The following RNGTT variants were observed in gnomAD, a reference collection of about 807,000 sequenced individuals.
The protein encoded by RNGTT is RNA guanylyltransferase and 5'-phosphatase, also known as mRNA-capping enzyme.
Under a neutral mutation model 79.3 loss-of-function variants are expected in RNGTT, and 33 were observed. That is an observed-to-expected ratio of 0.42 (90% confidence interval 0.32 to 0.56). The LOEUF is 0.56. Ranked by LOEUF, RNGTT falls within the 20% of genes least tolerant of loss-of-function variation. The pLI, the probability that RNGTT is intolerant of heterozygous loss-of-function variation, is 0.17. For synonymous variants in RNGTT, 222 were observed against 235.9 expected, an observed-to-expected ratio of 0.94 and a Z score of 0.54; for missense variants, 497 against 739.1, an observed-to-expected ratio of 0.67 and a Z score of 3.80.
chr6:88,923,739 C>T (rs971086024), intron 4 of RNGTT, among the ~76,000 whole-genome samples: 1 of 152,140 alleles, frequency 6.6e-6, no homozygotes, highest in African/African-American at 2.4e-5. Flanking sequence ...CCTCATAAAA[C>T]ATAGCATTAT....
Position 88,963,567 on chromosome 6 carries a change from G to C in RNGTT, c.-158C>G, listed in dbSNP as rs920594148. The C allele has an allele frequency of 6.4e-6, 4 of 626,436 alleles. No homozygotes were observed. In the East Asian group the frequency reaches 1.0e-4, roughly 16 times the overall value. 38.8% of individuals were successfully genotyped at this position (626,436 alleles called of 1,614,324 possible). ...CGATCCGGGTAACGTCAGGGGCGGC[G>C]CGCCACTTTCATTCAGGATCAACTC... On this transcript the variant is annotated 5_prime_UTR_variant, in exon 1 of 16. Transcript: ENST00000369485.
At chr6:88,632,091 G>A (rs1329590674) in intron 14 of RNGTT, among the ~76,000 whole-genome samples, 1 of 152,128 alleles carries the variant, frequency 6.6e-6, no homozygotes, top group African/African-American at 2.4e-5. Flanking sequence ...TTTGCTAGCA[G>A]CTGGAACTAC....
At chr6:88,862,087 T>C (rs988197893) in intron 8 of RNGTT, among the ~76,000 whole-genome samples, 12 of 152,210 alleles carry the variant, frequency 7.9e-5, no homozygotes, top group Non-Finnish European at 1.5e-4. Context: ...TTGTGAAATA[T>C]ACATATATTT....
chr6:88,776,523 TG>T lies in RNGTT; in HGVS notation c.1339-6650del, dbSNP rs562134440. Among the ~76,000 whole-genome samples, 674 of 151,794 alleles carry T rather than the reference TG, an allele frequency of 4.4e-3. 2 individuals carry two copies. The highest frequency in any genetic ancestry group is 0.015 in the African/African-American group (637 of 41,396). On this transcript the variant is annotated intron_variant, in intron 12 of 15. Transcript: ENST00000369485. ...TTTTTCTTCTTTTTTTTAGTAGAGA[TG>T]GGGTTTCTCCATGTTGTTCAGGCTG...
At chr6:88,814,356 T>TA (rs1268573915) in intron 11 of RNGTT, among the ~76,000 whole-genome samples, 1 of 152,222 alleles carries the variant, frequency 6.6e-6, no homozygotes. Flanking sequence ...ACTGACTTTC[T>TA]AAAACAAACA....
At chr6:88,906,780 C>T (rs1472561333) in intron 4 of RNGTT, among the ~76,000 whole-genome samples, 2 of 152,042 alleles carry the variant, frequency 1.3e-5, no homozygotes, top group East Asian at 3.9e-4. Flanking sequence ...ACACATAAAA[C>T]ACATACACAC....
intron 14 of RNGTT, among the ~76,000 whole-genome samples, chr6:88,665,844 C>T (rs772706173): frequency 2.0e-5 from 3 of 152,186 alleles, no homozygotes; most frequent in East Asian, 1.9e-4. Context: ...CAGTCGGGTG[C>T]GTCAAAGGAA....
chr6:88,776,745 T>C (rs1005652355), intron 12 of RNGTT, among the ~76,000 whole-genome samples: 13 of 152,154 alleles, frequency 8.5e-5, no homozygotes, highest in Admixed American at 3.3e-4. Context: ...GTGAATTCCT[T>C]TAATATTATA....
chr6:88,619,126 T>C (rs556304735), intron 14 of RNGTT, among the ~76,000 whole-genome samples: 74 of 152,172 alleles, frequency 4.9e-4, no homozygotes, highest in Non-Finnish European at 8.7e-4. Flanking sequence ...TCTTTTTATC[T>C]TGCTTCCACC....
chr6:88,896,625 T>C lies in RNGTT; in HGVS notation c.685-4710A>G, dbSNP rs145970136. On this transcript the variant is annotated intron_variant, in intron 6 of 15. Coordinates refer to ENST00000369485, the MANE Select transcript of RNGTT (RefSeq NM_003800.5). ...AACTTTCCAGGTCCAGGTTCCAATA[T>C]TGTCCTAAAATCTGGCACATTCCAG... 4.5e-3 allele frequency among the ~76,000 whole-genome samples: 682 copies of C among 152,294 alleles called. 6 individuals are homozygous for C. The highest frequency in any genetic ancestry group is 0.016 in the African/African-American group (649 of 41,572).
intron 11 of RNGTT, among the ~76,000 whole-genome samples, chr6:88,844,034 G>A (rs1459351305): frequency 2.2e-4 from 33 of 151,478 alleles, no homozygotes; most frequent in Admixed American, 2.1e-3. Context: ...GGATGTGTAG[G>A]AGCAGGCCTA....
chr6:88,861,544 T>TA (rs1256195463), intron 8 of RNGTT, among the ~76,000 whole-genome samples: 1 of 152,190 alleles, frequency 6.6e-6, no homozygotes, highest in Non-Finnish European at 1.5e-5. Context: ...CTCTTTTTTT[T>TA]AAATAAGAAA....
At chr6:88,742,262 G>C (rs149972828) in intron 13 of RNGTT, among the ~76,000 whole-genome samples, 87 of 152,296 alleles carry the variant, frequency 5.7e-4, no homozygotes, top group African/African-American at 2.0e-3. Flanking sequence ...ATAGCCCAAA[G>C]AGAGAAATCA....
rs139928479 is a variant in RNGTT, at chr6:88,643,417, C to T, written c.1507-29022G>A. On this transcript the variant is annotated intron_variant, in intron 14 of 15. Coordinates refer to ENST00000369485, the MANE Select transcript of RNGTT (RefSeq NM_003800.5). ...CAATAATAATGGGAGACTTTAACAC[C>T]CCACTGTCAACATTAGACAGATCAA... Among the ~76,000 whole-genome samples the T allele has an allele frequency of 7.7e-3, 1,174 of 152,086 alleles. 8 individuals carry two copies. The highest frequency in any genetic ancestry group is 0.026 in the African/African-American group (1,088 of 41,494).
intron 2 of RNGTT, among the ~76,000 whole-genome samples, chr6:88,937,292 C>T (rs114907745): frequency 0.02 from 3,077 of 152,016 alleles, 105 homozygotes; most frequent in African/African-American, 0.069. Flanking sequence ...TCACAGTGAA[C>T]TGAGATCCCA....
At chr6:88,629,611 A>C (rs972929000) in intron 14 of RNGTT, among the ~76,000 whole-genome samples, 4 of 152,170 alleles carry the variant, frequency 2.6e-5, no homozygotes, top group Admixed American at 1.3e-4. Flanking sequence ...AAGAAAAAAA[A>C]CAAAATTACG....
intron 12 of RNGTT, among the ~76,000 whole-genome samples, chr6:88,784,590 G>T (rs1310269897): frequency 6.6e-6 from 1 of 152,064 alleles, no homozygotes; most frequent in Non-Finnish European, 1.5e-5. Flanking sequence ...AGAATGAATT[G>T]GTCTGTCAGT....
chr6:88,751,530 G>T (rs979115624), intron 13 of RNGTT, among the ~76,000 whole-genome samples: 5 of 151,992 alleles, frequency 3.3e-5, no homozygotes, highest in African/African-American at 1.2e-4. Flanking sequence ...CACATTACCT[G>T]GACTTCATTT....
intron 13 of RNGTT, among the ~76,000 whole-genome samples, chr6:88,707,110 C>T (rs1582361263): frequency 6.6e-6 from 1 of 152,120 alleles, no homozygotes; most frequent in East Asian, 1.9e-4. Flanking sequence ...AATTTATAAG[C>T]AAAACACTAA....
Sources: gnomAD v4.1 joint callset for allele counts (sites outside exome capture counted in the v4.1 genomes callset) on GRCh38, gnomAD v4.1.1 for gene constraint, MANE v1.5 for transcripts, NCBI Gene and HGNC (gene_info 2026-07-23, HGNC 2026-07-21) for gene names.